The following FHL2 variants were observed in gnomAD, a reference collection of about 807,000 sequenced individuals.
The protein encoded by FHL2 is four and a half LIM domains protein 2.
A neutral mutation model predicts 32.7 loss-of-function variants in FHL2; 20 were observed. That is an observed-to-expected ratio of 0.61 (90% CI 0.43 to 0.89). The LOEUF (loss-of-function observed/expected upper bound fraction) is 0.89. FHL2 is among the 40% of genes least tolerant of loss of function. The pLI, the probability that FHL2 is intolerant of heterozygous loss-of-function variation, is 0.00. For missense variants in FHL2, 311 were observed against 358.6 expected (o/e 0.87, Z 1.07); for synonymous variants, 123 against 128.1 (o/e 0.96, Z 0.27).
In FHL2 at chr2:105,399,044, G is replaced by A. The variant is rs546137065; in HGVS notation, c.-278C>T. The A allele has an allele frequency of 4.0e-6, 6 of 1,496,862 alleles. No homozygotes were observed. The East Asian group carries it at 1.4e-4, about 36-fold the overall frequency. The allele number at this position is 1,496,862 out of a possible 1,614,324, so 92.7% of individuals were successfully genotyped here. On this transcript the variant is annotated 5_prime_UTR_variant, in exon 1 of 7. Transcript: ENST00000530340. Reference sequence around the variant, plus strand: ...GGCTGGTGGCTGCGGCTCCGCTGCCGGCCGAGTGGAGCGCTGCGCAGCTCC... The same window carrying A: ...GGCTGGTGGCTGCGGCTCCGCTGCCAGCCGAGTGGAGCGCTGCGCAGCTCC...
chr2:105,374,591 C>T (rs925329635), intron 3 of FHL2: 2 of 151,764 alleles, frequency 1.3e-5, no homozygotes, highest in Non-Finnish European at 2.9e-5. Flanking sequence ...GAGAGAGGCC[C>T]TGAGAAGACA....
intron 1 of FHL2, among the ~76,000 whole-genome samples, chr2:105,436,774 A>G (rs117487935): frequency 0.016 from 2,412 of 152,314 alleles, 89 homozygotes; most frequent in East Asian, 0.081. Context: ...TAGTAAGACT[A>G]TATATGATTT....
At chr2:105,398,421 C>T (rs928630641) in intron 1 of FHL2, among the ~76,000 whole-genome samples, 1 of 152,174 alleles carries the variant, frequency 6.6e-6, no homozygotes, top group African/African-American at 2.4e-5. Context: ...GGGAAATGGC[C>T]CGGACTCCCC....
At chr2:105,437,498 C>T (rs1407144589) in intron 1 of FHL2, among the ~76,000 whole-genome samples, 1 of 152,082 alleles carries the variant, frequency 6.6e-6, no homozygotes, top group Non-Finnish European at 1.5e-5. Flanking sequence ...ACAAATAAAA[C>T]AACTATAGTA....
rs946133103 is a variant in FHL2, at chr2:105,384,085, T to G, written c.156+2276A>C. Among the ~76,000 whole-genome samples the G allele has an allele frequency of 3.9e-5, 6 of 152,294 alleles. No homozygotes were observed. The South Asian group carries it at 8.3e-4, about 21-fold the overall frequency. On this transcript the variant is annotated intron_variant, in intron 3 of 6. Coordinates refer to ENST00000530340, the MANE Select transcript of FHL2 (RefSeq NM_001318895.3). ...ACTAAATCACTGGAGAAACAGCAAG[T>G]GATTTTTGTTTTGTTTTTATTTCAG...
In FHL2 at chr2:105,437,432, C is replaced by A. The variant is rs79386374; in HGVS notation, c.-25+967G>T. Among the ~76,000 whole-genome samples, 1,163 of 152,028 alleles carry A rather than the reference C, an allele frequency of 7.6e-3. 19 individuals carry two copies. The highest frequency in any genetic ancestry group is 0.027 in the African/African-American group (1,114 of 41,476). On this transcript the variant is annotated intron_variant, in intron 1 of 5. Transcript: ENST00000393352. ...CATAAATATGTAAAATATTATGTAT[C>A]GATAAAATTTTGAAAGCCTAGCAAT...
At chr2:105,431,032 T>G (rs1558735990) in intron 1 of FHL2, among the ~76,000 whole-genome samples, 4 of 152,252 alleles carry the variant, frequency 2.6e-5, no homozygotes, top group Admixed American at 2.6e-4. Context: ...AAATTAGTTA[T>G]GCTTTTCTCT....
intron 1 of FHL2, among the ~76,000 whole-genome samples, chr2:105,427,938 G>T (rs1439768713): frequency 7.2e-5 from 11 of 152,194 alleles, no homozygotes; most frequent in African/African-American, 2.7e-4. Flanking sequence ...AATAACTGAG[G>T]AAAGTATGTC....
chr2:105,421,906 G>T, intron 1 of FHL2, among the ~76,000 whole-genome samples: 1 of 152,200 alleles, frequency 6.6e-6, no homozygotes, highest in East Asian at 1.9e-4. Flanking sequence ...TGGAAAAGAT[G>T]TTTCTATTAC....
intron 2 of FHL2, among the ~76,000 whole-genome samples, chr2:105,387,329 A>T (rs1345197909): frequency 6.6e-6 from 1 of 152,162 alleles, no homozygotes; most frequent in Non-Finnish European, 1.5e-5. Context: ...AAAGGGAGGG[A>T]GATCTGACCT....
At chr2:105,420,539 A>G (rs1350570714) in intron 1 of FHL2, among the ~76,000 whole-genome samples, 1 of 152,210 alleles carries the variant, frequency 6.6e-6, no homozygotes, top group Non-Finnish European at 1.5e-5. Flanking sequence ...TAATAATAGT[A>G]GCAAATTATT....
At chr2:105,435,002 G>T (rs1174163694) in intron 1 of FHL2, among the ~76,000 whole-genome samples, 1 of 152,220 alleles carries the variant, frequency 6.6e-6, no homozygotes, top group East Asian at 1.9e-4. Flanking sequence ...ATCAGACTTA[G>T]TATAGAAAAT....
intron 2 of FHL2, among the ~76,000 whole-genome samples, chr2:105,392,330 C>T (rs115929175): frequency 0.016 from 2,501 of 152,050 alleles, 70 homozygotes; most frequent in African/African-American, 0.057. Context: ...AAAAATTTGC[C>T]GGGTGTGGTG....
At chr2:105,407,053 C>T (rs1323918797) in intron 1 of FHL2, among the ~76,000 whole-genome samples, 1 of 152,202 alleles carries the variant, frequency 6.6e-6, no homozygotes, top group Admixed American at 6.5e-5. Context: ...GTTCACAGCA[C>T]TTTGCAGCTT....
Position 105,398,967 on chromosome 2 carries a change from C to A in FHL2, c.-201G>T. ...CGGGGCGCAGGGGGTTGGAGGTACT[C>A]ACGGCACCGCAGCGGGCCGGGGACT... On this transcript the variant is annotated 5_prime_UTR_variant, in exon 1 of 7. Coordinates refer to ENST00000530340, the MANE Select transcript of FHL2 (RefSeq NM_001318895.3). 1 of 1,530,054 alleles carries A rather than the reference C, an allele frequency of 6.5e-7. No homozygotes were observed. Among genetic ancestry groups the A allele is most frequent in the South Asian group, 1.3e-5 (1 of 79,900 alleles). The allele number at this position is 1,530,054 out of a possible 1,614,324, so 94.8% of individuals were successfully genotyped here. A position where few individuals can be genotyped will look rare whatever the true frequency, so the allele number is the denominator to read the frequency against.
At chr2:105,377,328 A>G (rs561095686) in intron 3 of FHL2, among the ~76,000 whole-genome samples, 1 of 152,298 alleles carries the variant, frequency 6.6e-6, no homozygotes, top group Non-Finnish European at 1.5e-5. Context: ...CCATAATTAA[A>G]AGAATAAAAA....
At chr2:105,370,217 A>ACC (rs1558686530) in intron 4 of FHL2, among the ~76,000 whole-genome samples, 12 of 151,040 alleles carry the variant, frequency 7.9e-5, no homozygotes, top group Admixed American at 4.6e-4. Context: ...TACCCCCCCA[A>ACC]AAAAAAAATT....
At chr2:105,377,731 T>C (rs1681577528) in intron 3 of FHL2, 2 of 260,572 alleles carry the variant, frequency 7.7e-6, no homozygotes, top group South Asian at 8.8e-5. Context: ...AGCCACCTCA[T>C]AGAGGACTGC....
chr2:105,365,276 C>T (rs1309704494), intron 5 of FHL2, among the ~76,000 whole-genome samples: 2 of 152,202 alleles, frequency 1.3e-5, no homozygotes, highest in Non-Finnish European at 2.9e-5. Context: ...TGTACTTCCA[C>T]CTAGACTACA....
Sources: gnomAD v4.1 joint callset for allele counts (sites outside exome capture counted in the v4.1 genomes callset) on GRCh38, gnomAD v4.1.1 for gene constraint, MANE v1.5 for transcripts, NCBI Gene and HGNC (gene_info 2026-07-23, HGNC 2026-07-21) for gene names.